Variants in HPS5 observed in about 807,000 individuals in gnomAD.
HPS5 encodes the protein BLOC-2 complex member HPS5.
In HPS5, 83 loss-of-function variants were observed where a neutral mutation model predicts 128.0. The ratio of observed to expected loss-of-function variants is 0.65; its 90% confidence interval spans 0.54 to 0.78. The LOEUF (loss-of-function observed/expected upper bound fraction) is 0.78, where lower values mean the gene tolerates loss of function less well. Among genes scored for constraint, HPS5 ranks in the 30% least tolerant of loss-of-function variants. The probability of loss-of-function intolerance (pLI) is 0.00; values close to 1 mark genes in which losing one functional copy is unlikely to be tolerated. For missense variants in HPS5, 1,281 were observed against 1,326.2 expected (o/e 0.97, Z 0.53); for synonymous variants, 475 against 470.2 (o/e 1.01, Z -0.13).
intron 1 of HPS5, among the ~76,000 whole-genome samples, chr11:18,319,030 G>A (rs565139136): frequency 7.4e-4 from 112 of 151,312 alleles, no homozygotes; most frequent in African/African-American, 2.6e-3. Flanking sequence ...ACCTCTGCAA[G>A]GAGAATGTTC....
chr11:18,316,005 C>T (rs991007174), intron 2 of HPS5, among the ~76,000 whole-genome samples: 1 of 152,184 alleles, frequency 6.6e-6, no homozygotes, highest in African/African-American at 2.4e-5. Flanking sequence ...TCCTGTTATC[C>T]CAGTGCTTTA....
At chr11:18,292,616 G>T (rs1860554481) in intron 15 of HPS5, among the ~76,000 whole-genome samples, 1 of 152,152 alleles carries the variant, frequency 6.6e-6, no homozygotes, top group East Asian at 1.9e-4. Flanking sequence ...AATCTTCTCA[G>T]TAGTTTTACA....
At chr11:18,289,681 A>G (rs1339016432) in intron 16 of HPS5, among the ~76,000 whole-genome samples, 1 of 152,246 alleles carries the variant, frequency 6.6e-6, no homozygotes, top group East Asian at 1.9e-4. Flanking sequence ...TTTAAGTAAG[A>G]TGACATAAAA....
chr11:18,299,172 G>C lies in HPS5; in HGVS notation c.986-202C>G, dbSNP rs181978227. Among the ~76,000 whole-genome samples, 9 of 152,270 alleles carry C rather than the reference G, an allele frequency of 5.9e-5. No individual in the cohort carries two copies. The East Asian group carries it at 1.3e-3, about 23-fold the overall frequency. ...TAAAAAGATCAAGAATAAAAGATGTGAAGAAAGAACTATATCTCTCTGACC... is the reference window on the plus strand; with the variant it reads ...TAAAAAGATCAAGAATAAAAGATGTCAAGAAAGAACTATATCTCTCTGACC... On this transcript the variant is annotated intron_variant, in intron 9 of 22. Coordinates refer to ENST00000349215, the MANE Select transcript of HPS5 (RefSeq NM_181507.2).
chr11:18,297,038 G>T, intron 11 of HPS5, 54 bp from the exon 12 acceptor site: 3 of 1,141,960 alleles, frequency 2.6e-6, no homozygotes, highest in Non-Finnish European at 3.9e-6. Context: ...CCTTTATAAC[G>T]TTAATATAAC....
At position 18,316,072 on chromosome 11, in the gene HPS5, T is replaced by C. The variant is rs567485228; in HGVS notation, c.108+1679A>G. The stretch of plus-strand genomic sequence containing the variant: ...TGAGGCCAGGAGTTCGATGTTATCA[T>C]GAGCTATGGTCTCACCACTGTACTC... On this transcript the variant is annotated intron_variant, in intron 2 of 22. Coordinates refer to ENST00000349215, the MANE Select transcript of HPS5 (RefSeq NM_181507.2). Among the ~76,000 whole-genome samples, 12 of 152,274 alleles carry C rather than the reference T, an allele frequency of 7.9e-5. No homozygotes were observed. In the South Asian group the frequency reaches 1.9e-3, roughly 24 times the overall value.
intron 9 of HPS5, among the ~76,000 whole-genome samples, chr11:18,300,363 T>A (rs941827478): frequency 2.0e-5 from 3 of 152,062 alleles, no homozygotes; most frequent in African/African-American, 7.2e-5. Flanking sequence ...TAACTTACAA[T>A]GGGAAATATC....
chr11:18,301,454 CAAAAAAAAAAAAA>C (rs899074500), intron 8 of HPS5, among the ~76,000 whole-genome samples: 5 of 52,098 alleles, frequency 9.6e-5, no homozygotes, highest in Admixed American at 4.2e-4. Flanking sequence ...GACTCTGTCT[CAAAAAAAAAAAAA>C]AAAAAAAAAA....
At position 18,291,529 on chromosome 11, in the gene HPS5, G is replaced by A; in HGVS notation, c.2353C>T (p.Leu785=). Residue 785 remains leucine, a synonymous_variant, in exon 16 of 23, where the codon CTG becomes TTG. Coordinates refer to ENST00000349215, the MANE Select transcript of HPS5 (RefSeq NM_181507.2). Reference sequence around the variant, plus strand: ...CTCTCCTTCGCTCTTTTCAAGTTCAGGAGAAAAAAGTACTTCTTCAGGAAC... The same window carrying A: ...CTCTCCTTCGCTCTTTTCAAGTTCAAGAGAAAAAAGTACTTCTTCAGGAAC... ...CQFLKKYFFL[L]NLKRAKESIK... 6.2e-7 allele frequency: 1 copy of A among 1,610,966 alleles called. No individual in the cohort carries two copies.
At chr11:18,281,620 G>A (rs551919219) in intron 22 of HPS5, among the ~76,000 whole-genome samples, 14 of 151,814 alleles carry the variant, frequency 9.2e-5, no homozygotes, top group Admixed American at 8.5e-4. Flanking sequence ...TTGCCAGGAT[G>A]GTCTCAATCT....
rs1156817572 is a variant in HPS5, at chr11:18,282,391, CATG to C, written c.3059-174_3059-172del. Among the ~76,000 whole-genome samples, 3 of 151,770 alleles carry C rather than the reference CATG, an allele frequency of 2.0e-5. No homozygotes were observed. The East Asian group carries it at 5.8e-4, about 29-fold the overall frequency. On this transcript the variant is annotated intron_variant, in intron 21 of 22. Coordinates refer to ENST00000349215, the MANE Select transcript of HPS5 (RefSeq NM_181507.2). The stretch of plus-strand genomic sequence containing the variant: ...CTGAAAATTTGTTGTATAAATTGTT[CATG>C]AGAAAGAGAAGCCACAAAATTAACT...
chr11:18,291,576 G>A lies in HPS5; in HGVS notation c.2306C>T (p.Ser769Phe), dbSNP rs902744406. 3.7e-6 allele frequency: 6 copies of A among 1,612,460 alleles called. No homozygotes were observed. The highest frequency in any genetic ancestry group is 3.3e-5 in the Admixed American group (2 of 59,900). The change falls in exon 16 of 23, where the codon TCT becomes TTT. Residue 769 changes from serine to phenylalanine, a missense_variant. By Grantham distance (155) the Ser-to-Phe change is radical. Transcript: ENST00000349215. ...GAACTGGCAAGCCAGAATTTCAGGAGAGTACTGTTGCAAAGTGTGGTCCAC... is the reference window on the plus strand; with the variant it reads ...GAACTGGCAAGCCAGAATTTCAGGAAAGTACTGTTGCAAAGTGTGGTCCAC... The part of the protein sequence containing the change: ...GHVDHTLQQY[S>F]PEILACQFLK...
chr11:18,282,750 A>C (rs1859171397), intron 21 of HPS5, among the ~76,000 whole-genome samples: 1 of 152,232 alleles, frequency 6.6e-6, no homozygotes, highest in Admixed American at 6.5e-5. Flanking sequence ...AGCACTATGA[A>C]AAAAAAGAAC....
At chr11:18,305,631 A>G (rs1862256923) in intron 7 of HPS5, 138 bp from the exon 8 acceptor site, 2 of 624,864 alleles carry the variant, frequency 3.2e-6, no homozygotes, top group East Asian at 2.8e-5. Context: ...TTCGCCTGAC[A>G]CTAATCATAG....
chr11:18,285,519 T>C (rs944698155), intron 19 of HPS5, 60 bp from the exon 20 acceptor site: 13 of 1,096,072 alleles, frequency 1.2e-5, no homozygotes, highest in Non-Finnish European at 1.7e-5. Context: ...AAATGCTTAT[T>C]TATCACCTAA....
At chr11:18,286,878 G>T in intron 18 of HPS5, 168 bp from the exon 19 acceptor site, 1 of 608,304 alleles carries the variant, frequency 1.6e-6, no homozygotes, top group Non-Finnish European at 2.5e-6. Context: ...CAAGCTCCAA[G>T]ATAACAAAGA....
intron 2 of HPS5, among the ~76,000 whole-genome samples, chr11:18,314,211 A>C (rs1248860041): frequency 6.6e-6 from 1 of 151,998 alleles, no homozygotes; most frequent in Non-Finnish European, 1.5e-5. Flanking sequence ...ACTGCACTCC[A>C]GCTTGGGCAA....
intron 2 of HPS5, among the ~76,000 whole-genome samples, chr11:18,312,325 C>G (rs985163915): frequency 2.0e-5 from 3 of 152,206 alleles, no homozygotes; most frequent in Non-Finnish European, 4.4e-5. Flanking sequence ...TGTAATTTGG[C>G]TAGGTCATTC....
rs1858630323 is a variant in HPS5 at position 18,279,810 on chromosome 11, G to A, written c.*72C>T. On this transcript the variant is annotated 3_prime_UTR_variant, in exon 23 of 23. Transcript: ENST00000349215. ...TGGTGTCTTTCCTTCAATAACAAAT[G>A]CGTTCAGAAGGTTCAGGAGCATGAT... The A allele has an allele frequency of 4.2e-6, 6 of 1,423,332 alleles. No homozygotes were observed. The highest frequency in any genetic ancestry group is 6.0e-6 in the Non-Finnish European group (6 of 1,008,018). The allele number at this position is 1,423,332 out of a possible 1,614,324, so 88.2% of individuals were successfully genotyped here. A position where few individuals can be genotyped will look rare whatever the true frequency, so the allele number is the denominator to read the frequency against.
Sources: allele counts gnomAD v4.1 joint callset (sites outside exome capture counted in the v4.1 genomes callset), GRCh38; gene constraint gnomAD v4.1.1; transcripts MANE v1.5; gene names NCBI Gene and HGNC (gene_info 2026-07-23, HGNC 2026-07-21).